Variants in CDH13 observed in about 807,000 individuals in gnomAD.
The protein encoded by CDH13 is cadherin-13.
CDH13 carries 24 observed loss-of-function variants against 63.8 expected under a neutral mutation model. The ratio of observed to expected loss-of-function variants is 0.38; its 90% CI spans 0.27 to 0.53. The LOEUF (loss-of-function observed/expected upper bound fraction) is 0.53. Among genes scored for constraint, CDH13 ranks in the 20% least tolerant of loss-of-function variants. The pLI is 0.85. For synonymous variants in CDH13, 503 were observed against 355.3 expected (o/e 1.42, Z -4.67); for missense variants, 1,049 against 903.1 (o/e 1.16, Z -2.07).
At chr16:83,223,286 G>A (rs1349430953) in intron 5 of CDH13, among the ~76,000 whole-genome samples, 2 of 152,194 alleles carry the variant, frequency 1.3e-5, no homozygotes, top group African/African-American at 2.4e-5. Flanking sequence ...CCAGAAGACA[G>A]GAAGGCTGAA....
At chr16:82,802,903 T>A (rs2036937663) in intron 1 of CDH13, among the ~76,000 whole-genome samples, 1 of 152,212 alleles carries the variant, frequency 6.6e-6, no homozygotes, top group African/African-American at 2.4e-5. Flanking sequence ...TTACCTTTGC[T>A]GTCCTCCTTA....
chr16:82,734,050 T>C (rs879655291), intron 1 of CDH13, among the ~76,000 whole-genome samples: 5 of 151,978 alleles, frequency 3.3e-5, no homozygotes, highest in East Asian at 1.9e-4. Context: ...AGAACTAATA[T>C]TGGAGCTGGG....
chr16:82,940,513 C>G (rs1904276119), intron 2 of CDH13, among the ~76,000 whole-genome samples: 1 of 152,112 alleles, frequency 6.6e-6, no homozygotes, highest in African/African-American at 2.4e-5. Context: ...ATGCCTTGTT[C>G]CATAGTTTCT....
intron 7 of CDH13, among the ~76,000 whole-genome samples, chr16:83,524,141 A>G (rs1338070321): frequency 6.6e-6 from 1 of 152,178 alleles, no homozygotes; most frequent in African/African-American, 2.4e-5. Context: ...CATGCACTAG[A>G]TTTGTTTCCA....
intron 7 of CDH13, among the ~76,000 whole-genome samples, chr16:83,519,752 T>C (rs2074785606): frequency 6.6e-6 from 1 of 152,080 alleles, no homozygotes; most frequent in African/African-American, 2.4e-5. Context: ...GAAAGGTGCC[T>C]CAATACAAGC....
intron 2 of CDH13, among the ~76,000 whole-genome samples, chr16:82,987,457 A>C (rs1597363071): frequency 6.6e-6 from 1 of 151,786 alleles, no homozygotes. Context: ...GCTCATTGCA[A>C]CCTCCTCCTT....
chr16:83,465,549 G>C (rs1352249683), intron 6 of CDH13, among the ~76,000 whole-genome samples: 1 of 152,194 alleles, frequency 6.6e-6, no homozygotes, highest in Non-Finnish European at 1.5e-5. Context: ...AAAGATTCAA[G>C]TCAATGGAAG....
chr16:83,240,675 A>ATTT, intron 5 of CDH13, among the ~76,000 whole-genome samples: 1 of 122 alleles, frequency 8.2e-3, no homozygotes, highest in African/African-American at 0.013. Flanking sequence ...TTAAATAGTA[A>ATTT]AAAAAAAAAA....
At chr16:82,724,425 A>T (rs2032970213) in intron 1 of CDH13, among the ~76,000 whole-genome samples, 1 of 152,226 alleles carries the variant, frequency 6.6e-6, no homozygotes, top group African/African-American at 2.4e-5. Context: ...CCTACAAGGC[A>T]GGTGCCATGA....
At chr16:82,751,094 A>G (rs1165631159) in intron 1 of CDH13, among the ~76,000 whole-genome samples, 3 of 152,094 alleles carry the variant, frequency 2.0e-5, no homozygotes, top group East Asian at 1.9e-4. Context: ...CCAGTTCCCT[A>G]TTTAATCATA....
chr16:83,097,913 C>T (rs1181118225), intron 3 of CDH13, among the ~76,000 whole-genome samples: 5 of 152,024 alleles, frequency 3.3e-5, no homozygotes, highest in African/African-American at 1.2e-4. Context: ...CAAAAAATAT[C>T]CACCTAGTAC....
chr16:82,931,560 A>G (rs1473463181), intron 2 of CDH13, among the ~76,000 whole-genome samples: 4 of 148,270 alleles, frequency 2.7e-5, no homozygotes, highest in Non-Finnish European at 5.9e-5. Context: ...GGCCTTAGGT[A>G]TTAGTCTGTT....
At chr16:83,274,729 G>A (rs2088931092) in intron 5 of CDH13, among the ~76,000 whole-genome samples, 1 of 152,166 alleles carries the variant, frequency 6.6e-6, no homozygotes, top group South Asian at 2.1e-4. Flanking sequence ...TGGTGGCAGG[G>A]GGGGTGTTTA....
chr16:83,445,241 T>TTTTTATAATTTATAAAAGGTTTTATAAA (rs1567677345), intron 6 of CDH13, among the ~76,000 whole-genome samples: 1 of 56,528 alleles, frequency 1.8e-5, no homozygotes, highest in Non-Finnish European at 4.5e-5. Context: ...GAGTTTATAA[T>TTTTTATAATTTATAAAAGGTTTTATAAA]TTATAAAAGC....
At chr16:83,442,714 A>G (rs2072514465) in intron 6 of CDH13, among the ~76,000 whole-genome samples, 1 of 152,246 alleles carries the variant, frequency 6.6e-6, no homozygotes, top group South Asian at 2.1e-4. Flanking sequence ...TAGAATCTCT[A>G]ACTTCATTGG....
intron 1 of CDH13, among the ~76,000 whole-genome samples, chr16:82,711,255 A>G (rs1263619454): frequency 6.6e-6 from 1 of 152,190 alleles, no homozygotes. Context: ...GTTTCATCTC[A>G]CCAGTGAAGA....
At chr16:83,442,120 G>T (rs150532789) in intron 6 of CDH13, among the ~76,000 whole-genome samples, 2 of 152,252 alleles carry the variant, frequency 1.3e-5, no homozygotes, top group Non-Finnish European at 2.9e-5. Flanking sequence ...GCAAAGCATG[G>T]TTATCACCAT....
chr16:82,946,637 C>G (rs1904746530), intron 2 of CDH13, among the ~76,000 whole-genome samples: 1 of 151,954 alleles, frequency 6.6e-6, no homozygotes, highest in Admixed American at 6.6e-5. Context: ...GTGAAAATTG[C>G]TTGAAACCAG....
At chr16:82,783,348 GCT>G (rs2035855118) in intron 1 of CDH13, among the ~76,000 whole-genome samples, 1 of 152,190 alleles carries the variant, frequency 6.6e-6, no homozygotes, top group Non-Finnish European at 1.5e-5. Context: ...AACTGATCAG[GCT>G]TTCTGCGATG....
Sources: allele counts gnomAD v4.1 joint callset (sites outside exome capture counted in the v4.1 genomes callset), GRCh38; gene constraint gnomAD v4.1.1; transcripts MANE v1.5; gene names NCBI Gene and HGNC (gene_info 2026-07-23, HGNC 2026-07-21).